The following VPS13B variants were observed in gnomAD, a reference collection of about 807,000 sequenced individuals.
VPS13B encodes the protein vacuolar protein sorting 13 homolog B, also known as intermembrane lipid transfer protein VPS13B.
A neutral mutation model predicts 426.4 loss-of-function variants in VPS13B; 285 were observed. The observed-to-expected ratio is 0.67, with a 90% CI of 0.61 to 0.74. The LOEUF is 0.74. Among genes scored for constraint, VPS13B ranks in the 30% least tolerant of loss-of-function variants. The pLI, the probability that VPS13B is intolerant of heterozygous loss-of-function variation, is 0.00. For synonymous variants in VPS13B, 1,676 were observed against 1,676.4 expected (o/e 1.00, Z 0.01); for missense variants, 4,537 against 4,782.6 (o/e 0.95, Z 1.51).
chr8:99,347,485 A>G (rs558175190), intron 19 of VPS13B: 1 of 152,736 alleles, frequency 6.5e-6, no homozygotes, highest in African/African-American at 2.4e-5. Context: ...TGGTTCTAAG[A>G]GAACACTGAG....
chr8:99,575,982 C>T (rs1416982957), intron 32 of VPS13B, among the ~76,000 whole-genome samples, 198 bp downstream of exon 32: 3 of 152,110 alleles, frequency 2.0e-5, no homozygotes, highest in Non-Finnish European at 4.4e-5. Context: ...CTCATTTAGT[C>T]CTCATAATAA....
chr8:99,575,087 G>A (rs542122004), intron 31 of VPS13B, among the ~76,000 whole-genome samples: 88 of 152,062 alleles, frequency 5.8e-4, no homozygotes, highest in Admixed American at 2.1e-3. Context: ...GATCACTTGC[G>A]CCCAGGAGAT....
At chr8:99,746,231 G>T (rs572008480) in intron 39 of VPS13B, among the ~76,000 whole-genome samples, 104 of 152,008 alleles carry the variant, frequency 6.8e-4, no homozygotes, top group Non-Finnish European at 1.3e-3. Flanking sequence ...TTTTTGGAAA[G>T]AATACTTCTC....
chr8:99,812,502 C>T (rs529624592), intron 44 of VPS13B, among the ~76,000 whole-genome samples: 1 of 152,244 alleles, frequency 6.6e-6, no homozygotes, highest in South Asian at 2.1e-4. Context: ...ACCTTAACAC[C>T]CCCTGGATAA....
intron 6 of VPS13B, among the ~76,000 whole-genome samples, chr8:99,114,779 G>A (rs189110115): frequency 1.3e-5 from 2 of 152,010 alleles, no homozygotes; most frequent in African/African-American, 4.8e-5. Context: ...CTAAAAATAC[G>A]ATGATTACCA....
rs528328589 is a variant in VPS13B, at chr8:99,589,884, A to G, written c.5220+12251A>G. On this transcript the variant is annotated intron_variant, in intron 33 of 61. Transcript: ENST00000357162. The stretch of plus-strand genomic sequence containing the variant: ...GTTAGGGAGGATTCCCTCTTTTTCT[A>G]TTGATTGGAATAGTTTCAGAAGGAA... 5.3e-5 allele frequency among the ~76,000 whole-genome samples: 8 copies of G among 152,092 alleles called. No homozygotes were observed. The East Asian group carries it at 5.8e-4, about 11-fold the overall frequency.
intron 3 of VPS13B, among the ~76,000 whole-genome samples, chr8:99,057,895 C>T (rs376590609): frequency 9.2e-5 from 14 of 152,172 alleles, no homozygotes; most frequent in African/African-American, 2.9e-4. Context: ...ATTGGTACTT[C>T]GAATCATTTT....
chr8:99,239,717 T>G (rs1290049711), intron 17 of VPS13B, among the ~76,000 whole-genome samples: 1 of 152,116 alleles, frequency 6.6e-6, no homozygotes, highest in Non-Finnish European at 1.5e-5. Flanking sequence ...CTAAGGCTAC[T>G]AGGAAGCTTT....
At chr8:99,152,272 T>C (rs1192371187) in intron 14 of VPS13B, among the ~76,000 whole-genome samples, 1 of 152,230 alleles carries the variant, frequency 6.6e-6, no homozygotes, top group Non-Finnish European at 1.5e-5. Context: ...TGACTTGTGT[T>C]CTTTAGAAGT....
intron 2 of VPS13B, among the ~76,000 whole-genome samples, chr8:99,023,394 C>T: frequency 6.6e-6 from 1 of 151,982 alleles, no homozygotes; most frequent in Admixed American, 6.6e-5. Flanking sequence ...CCTTCATTTC[C>T]ATTCATGTTG....
intron 22 of VPS13B, among the ~76,000 whole-genome samples, chr8:99,438,741 C>G (rs1419212654): frequency 2.0e-5 from 3 of 152,056 alleles, no homozygotes; most frequent in Non-Finnish European, 4.4e-5. Flanking sequence ...GAAAATTTAT[C>G]AAATAGGAAA....
intron 52 of VPS13B, among the ~76,000 whole-genome samples, chr8:99,833,249 A>G (rs577858773): frequency 6.6e-6 from 1 of 152,354 alleles, no homozygotes; most frequent in Admixed American, 6.5e-5. Context: ...AACCAGAGAC[A>G]TATAATGGTT....
Position 99,115,705 on chromosome 8 carries a change from T to C in VPS13B, c.768T>C (p.His256=), listed in dbSNP as rs1181152888. The C allele has an allele frequency of 6.2e-7, 1 of 1,612,732 alleles. No individual in the cohort carries two copies. Among genetic ancestry groups the C allele is most frequent in the East Asian group, 2.2e-5 (1 of 44,744 alleles). The change falls in exon 7 of 62, where the codon CAT becomes CAC. Residue 256 remains histidine, a synonymous_variant. Coordinates refer to ENST00000357162, the MANE Select transcript of VPS13B (RefSeq NM_152564.5). ...ATGTCTTTTTCAAAATGCAGATTCA[T>C]ACTTTAGTGGAAAGTTTGAAACTTT... ...NSKMPSVIKI[H]TLVESLKLSI...
chr8:99,641,572 AT>A (rs1283728448), intron 33 of VPS13B, among the ~76,000 whole-genome samples: 3 of 152,192 alleles, frequency 2.0e-5, no homozygotes, highest in African/African-American at 4.8e-5. Flanking sequence ...TCAAAAATAT[AT>A]TTTAATGATG....
intron 19 of VPS13B, among the ~76,000 whole-genome samples, chr8:99,311,480 C>A (rs201864578): frequency 3.3e-5 from 5 of 152,080 alleles, no homozygotes; most frequent in Non-Finnish European, 1.5e-5. Context: ...TTGAGTGGTT[C>A]TGAGTGAGTT....
intron 42 of VPS13B, 80 bp from the exon 43 acceptor site, chr8:99,784,235 A>G: frequency 6.3e-7 from 1 of 1,584,676 alleles, no homozygotes. Context: ...GTGTTGTAAC[A>G]ATCGCCACTG....
intron 19 of VPS13B, among the ~76,000 whole-genome samples, chr8:99,284,959 T>C (rs139596763): frequency 2.6e-5 from 4 of 152,360 alleles, no homozygotes; most frequent in African/African-American, 9.6e-5. Flanking sequence ...ATTGTAAACT[T>C]TAAAACATAA....
At chr8:99,539,195 C>A (rs1410792459) in intron 30 of VPS13B, among the ~76,000 whole-genome samples, 1 of 151,996 alleles carries the variant, frequency 6.6e-6, no homozygotes, top group Non-Finnish European at 1.5e-5. Flanking sequence ...TAACTGAGGC[C>A]TTTCACCATT....
intron 33 of VPS13B, among the ~76,000 whole-genome samples, chr8:99,616,902 T>A (rs759787876): frequency 6.6e-5 from 10 of 152,226 alleles, no homozygotes; most frequent in Admixed American, 2.6e-4. Flanking sequence ...AAAAATGTAT[T>A]TGAAATAATT....
Sources: allele counts gnomAD v4.1 joint callset (sites outside exome capture counted in the v4.1 genomes callset), GRCh38; gene constraint gnomAD v4.1.1; transcripts MANE v1.5; gene names NCBI Gene and HGNC (gene_info 2026-07-23, HGNC 2026-07-21).